The following ENOX1 variants were observed in gnomAD, a reference collection of about 807,000 sequenced individuals.
The protein encoded by ENOX1 is ecto-NOX disulfide-thiol exchanger 1.
Under a neutral mutation model 82.5 loss-of-function variants are expected in ENOX1, and 42 were observed. The observed-to-expected ratio is 0.51, with a 90% confidence interval of 0.40 to 0.66. ENOX1 has a LOEUF of 0.66. ENOX1 is among the 30% of genes least tolerant of loss of function. The pLI, the probability that ENOX1 is intolerant of heterozygous loss-of-function variation, is 0.00. For missense variants in ENOX1, 608 were observed against 811.6 expected, an observed-to-expected ratio of 0.75 and a Z score of 3.05; for synonymous variants, 271 against 282.2, an observed-to-expected ratio of 0.96 and a Z score of 0.40.
intron 2 of ENOX1, among the ~76,000 whole-genome samples, chr13:43,487,461 G>A (rs969146815): frequency 2.6e-5 from 4 of 152,136 alleles, no homozygotes; most frequent in African/African-American, 9.7e-5. Flanking sequence ...TTATTTTCCA[G>A]GATTTGGTGT....
At chr13:43,362,335 C>T (rs1384432296) in intron 5 of ENOX1, among the ~76,000 whole-genome samples, 1 of 151,786 alleles carries the variant, frequency 6.6e-6, no homozygotes, top group Non-Finnish European at 1.5e-5. Flanking sequence ...AAATACTATA[C>T]TGAGTAGCCA....
intron 15 of ENOX1, among the ~76,000 whole-genome samples, chr13:43,234,473 T>C (rs1472994139): frequency 6.6e-6 from 1 of 152,192 alleles, no homozygotes; most frequent in Non-Finnish European, 1.5e-5. Flanking sequence ...ACCTAAATGT[T>C]CTCATATATT....
chr13:43,570,461 T>C (rs2080128217), intron 2 of ENOX1, among the ~76,000 whole-genome samples: 1 of 152,016 alleles, frequency 6.6e-6, no homozygotes, highest in Admixed American at 6.6e-5. Flanking sequence ...CTGGGAAGAA[T>C]GATAAGGAAG....
intron 3 of ENOX1, among the ~76,000 whole-genome samples, chr13:43,473,815 CTGAA>C (rs924657336): frequency 9.2e-5 from 14 of 152,226 alleles, no homozygotes; most frequent in African/African-American, 2.9e-4. Context: ...ACCTCTTTCT[CTGAA>C]TGGAGACAGA....
intron 3 of ENOX1, among the ~76,000 whole-genome samples, chr13:43,447,478 T>C (rs915235482): frequency 6.6e-6 from 1 of 151,986 alleles, no homozygotes; most frequent in Non-Finnish European, 1.5e-5. Flanking sequence ...GGGACCACAA[T>C]AGGAGAGGGG....
At chr13:43,605,782 C>A (rs1377800790) in intron 2 of ENOX1, among the ~76,000 whole-genome samples, 2 of 152,038 alleles carry the variant, frequency 1.3e-5, no homozygotes, top group South Asian at 4.2e-4. Flanking sequence ...TAAGCACAGG[C>A]AACCAAAGCA....
At chr13:43,673,213 AT>A (rs2085352541) in intron 1 of ENOX1, among the ~76,000 whole-genome samples, 1 of 151,310 alleles carries the variant, frequency 6.6e-6, no homozygotes, top group Non-Finnish European at 1.5e-5. Context: ...TTCTCATATG[AT>A]TTCCAAATTA....
chr13:43,372,375 C>T (rs1566061653), intron 5 of ENOX1, among the ~76,000 whole-genome samples: 1 of 152,204 alleles, frequency 6.6e-6, no homozygotes, highest in Non-Finnish European at 1.5e-5. Context: ...AATATGGCAT[C>T]TGGAAGGCAG....
intron 3 of ENOX1, among the ~76,000 whole-genome samples, chr13:43,415,062 A>G (rs1467094468): frequency 1.3e-5 from 2 of 152,138 alleles, no homozygotes. Flanking sequence ...TTTCATGGCC[A>G]TCTTAACAGA....
At chr13:43,321,792 G>C (rs2047826737) in intron 11 of ENOX1, among the ~76,000 whole-genome samples, 1 of 152,136 alleles carries the variant, frequency 6.6e-6, no homozygotes, top group African/African-American at 2.4e-5. Flanking sequence ...CAATACCAAT[G>C]GATTTATATA....
rs563820849 is a variant in ENOX1 at position 43,285,723 on chromosome 13, T to C, written c.1446+12623A>G. ...AGGAGGCTGAGGCAGGAGAATAGAA[T>C]AGCTTGGACCTGGTAGGCAGAGGCT... On this transcript the variant is annotated intron_variant, in intron 12 of 16. Transcript: ENST00000690772. 1.8e-3 allele frequency among the ~76,000 whole-genome samples: 259 copies of C among 143,946 alleles called. 2 individuals carry two copies. The Middle Eastern group carries it at 0.031, about 18-fold the overall frequency. The allele number at this position is 143,946 out of a possible 152,430, so 94.4% of individuals were successfully genotyped here.
intron 11 of ENOX1, among the ~76,000 whole-genome samples, chr13:43,310,219 A>AAAAAC: frequency 6.8e-6 from 1 of 147,120 alleles, no homozygotes. Flanking sequence ...AAAAAAAAAA[A>AAAAAC]AAAAAGCCTC....
intron 9 of ENOX1, among the ~76,000 whole-genome samples, chr13:43,328,748 G>A (rs766138077): frequency 2.6e-5 from 4 of 152,150 alleles, no homozygotes; most frequent in Non-Finnish European, 5.9e-5. Context: ...TGTGCTATTA[G>A]ATATTTCCTG....
intron 12 of ENOX1, among the ~76,000 whole-genome samples, chr13:43,288,669 G>C (rs1217723326): frequency 6.6e-6 from 1 of 152,072 alleles, no homozygotes; most frequent in Non-Finnish European, 1.5e-5. Context: ...CATTCTTCCT[G>C]AATGAGCCAA....
At chr13:43,592,857 T>C (rs1379853800) in intron 2 of ENOX1, among the ~76,000 whole-genome samples, 4 of 152,218 alleles carry the variant, frequency 2.6e-5, no homozygotes, top group Non-Finnish European at 5.9e-5. Flanking sequence ...AATAATTCTT[T>C]GGCACATTAA....
At chr13:43,629,859 T>C (rs1372109695) in intron 2 of ENOX1, among the ~76,000 whole-genome samples, 3 of 152,158 alleles carry the variant, frequency 2.0e-5, no homozygotes, top group Non-Finnish European at 4.4e-5. Context: ...GAGCTTCTAG[T>C]AGATGCCTTC....
intron 3 of ENOX1, among the ~76,000 whole-genome samples, chr13:43,482,521 A>G (rs1313663491): frequency 1.3e-5 from 2 of 152,172 alleles, no homozygotes; most frequent in Non-Finnish European, 2.9e-5. Context: ...CACTTTAGTT[A>G]AGCAAGATGA....
At chr13:43,655,626 CT>C (rs2084394866) in intron 2 of ENOX1, among the ~76,000 whole-genome samples, 1 of 152,118 alleles carries the variant, frequency 6.6e-6, no homozygotes, top group Non-Finnish European at 1.5e-5. Context: ...CCAAATGTTT[CT>C]TCTTGAATTA....
intron 16 of ENOX1, among the ~76,000 whole-genome samples, chr13:43,216,890 G>A (rs970140263): frequency 1.3e-5 from 2 of 152,202 alleles, no homozygotes; most frequent in African/African-American, 4.8e-5. Context: ...CAGCAGCCCT[G>A]CAGCTGGCTG....
Sources: allele counts gnomAD v4.1 joint callset (sites outside exome capture counted in the v4.1 genomes callset), GRCh38; gene constraint gnomAD v4.1.1; transcripts MANE v1.5; gene names NCBI Gene and HGNC (gene_info 2026-07-23, HGNC 2026-07-21).